Variants in PTPRM observed in about 807,000 individuals in gnomAD.
The protein encoded by PTPRM is receptor-type tyrosine-protein phosphatase mu.
In PTPRM, 47 loss-of-function variants were observed where a neutral mutation model predicts 186.7. The observed-to-expected ratio is 0.25, with a 90% CI of 0.20 to 0.32. The LOEUF (loss-of-function observed/expected upper bound fraction) is 0.32, where lower values mean the gene tolerates loss of function less well. PTPRM is among the 10% of genes least tolerant of loss of function. The pLI is 1.00. For missense variants in PTPRM, 1,494 were observed against 1,865.0 expected, an observed-to-expected ratio of 0.80 and a Z score of 3.66; for synonymous variants, 668 against 674.9, an observed-to-expected ratio of 0.99 and a Z score of 0.16.
At chr18:8,158,432 G>A (rs565725550) in intron 14 of PTPRM, among the ~76,000 whole-genome samples, 3 of 152,110 alleles carry the variant, frequency 2.0e-5, no homozygotes, top group Non-Finnish European at 4.4e-5. Context: ...GTTTAAACTT[G>A]TATCTTGGTT....
intron 7 of PTPRM, among the ~76,000 whole-genome samples, chr18:7,959,094 T>G (rs1169722252): frequency 6.6e-6 from 1 of 152,188 alleles, no homozygotes; most frequent in Non-Finnish European, 1.5e-5. Flanking sequence ...AATAATAATA[T>G]GTGTTTCATT....
At chr18:7,790,308 C>T (rs1480680193) in intron 2 of PTPRM, among the ~76,000 whole-genome samples, 1 of 152,206 alleles carries the variant, frequency 6.6e-6, no homozygotes, top group Non-Finnish European at 1.5e-5. Flanking sequence ...AAGAGAGAAT[C>T]CTCTGAGCTC....
intron 2 of PTPRM, among the ~76,000 whole-genome samples, chr18:7,870,406 T>G (rs2047924881): frequency 6.6e-6 from 1 of 152,224 alleles, no homozygotes; most frequent in Non-Finnish European, 1.5e-5. Flanking sequence ...AGTCTTTCTT[T>G]CCTGTGAATT....
chr18:7,582,533 G>A (rs1479296265), intron 1 of PTPRM, among the ~76,000 whole-genome samples: 2 of 152,238 alleles, frequency 1.3e-5, no homozygotes, highest in African/African-American at 4.8e-5. Flanking sequence ...TCCTTGGTAT[G>A]TGAGGCTGCA....
intron 7 of PTPRM, among the ~76,000 whole-genome samples, chr18:8,051,823 G>C (rs1053852065): frequency 4.6e-5 from 7 of 152,022 alleles, no homozygotes; most frequent in Non-Finnish European, 1.0e-4. Context: ...GGAGCCCAGT[G>C]GGAAGAATTT....
chr18:8,148,862 A>G (rs1427222530), intron 14 of PTPRM, among the ~76,000 whole-genome samples: 2 of 151,996 alleles, frequency 1.3e-5, no homozygotes, highest in African/African-American at 2.4e-5. Context: ...CTTCATTCTC[A>G]TTGGTTTCAA....
chr18:8,225,297 T>C (rs1415664199), intron 14 of PTPRM, among the ~76,000 whole-genome samples: 1 of 152,238 alleles, frequency 6.6e-6, no homozygotes, highest in Non-Finnish European at 1.5e-5. Flanking sequence ...TTTTAACATA[T>C]GTGATATGTT....
At chr18:7,905,094 A>T (rs1391734498) in intron 3 of PTPRM, among the ~76,000 whole-genome samples, 1 of 152,076 alleles carries the variant, frequency 6.6e-6, no homozygotes, top group Non-Finnish European at 1.5e-5. Flanking sequence ...CCCAGATTCA[A>T]GCGATTCTCC....
At chr18:8,012,499 C>A (rs2084593269) in intron 7 of PTPRM, among the ~76,000 whole-genome samples, 1 of 152,146 alleles carries the variant, frequency 6.6e-6, no homozygotes, top group African/African-American at 2.4e-5. Flanking sequence ...GCATGAACAC[C>A]ATAGAGTGCA....
chr18:8,088,086 G>A (rs1033151783), intron 10 of PTPRM, among the ~76,000 whole-genome samples: 13 of 152,230 alleles, frequency 8.5e-5, no homozygotes, highest in Admixed American at 4.6e-4. Flanking sequence ...GATAATAAAC[G>A]TAGAGGGTAG....
intron 20 of PTPRM, among the ~76,000 whole-genome samples, chr18:8,309,503 G>A (rs57418461): frequency 0.02 from 3,058 of 152,060 alleles, 112 homozygotes; most frequent in African/African-American, 0.071. Context: ...ATAAGACACA[G>A]CTCCTCTTAA....
chr18:7,738,839 G>C (rs1213261174), intron 1 of PTPRM, among the ~76,000 whole-genome samples: 2 of 152,178 alleles, frequency 1.3e-5, no homozygotes, highest in East Asian at 3.9e-4. Flanking sequence ...CCGGCTGCAG[G>C]TGTTGCAGTT....
intron 11 of PTPRM, among the ~76,000 whole-genome samples, chr18:8,089,559 A>G (rs895836985): frequency 6.6e-6 from 1 of 152,148 alleles, no homozygotes; most frequent in Non-Finnish European, 1.5e-5. Flanking sequence ...TGAAATTTCT[A>G]CTTGATTCAG....
chr18:8,007,472 A>G (rs1055555429), intron 7 of PTPRM, among the ~76,000 whole-genome samples: 23 of 152,184 alleles, frequency 1.5e-4, no homozygotes, highest in African/African-American at 3.9e-4. Context: ...TGATTAGGGA[A>G]CATTCTGGAA....
intron 4 of PTPRM, among the ~76,000 whole-genome samples, chr18:7,918,257 T>C (rs2050676900): frequency 6.6e-6 from 1 of 152,046 alleles, no homozygotes; most frequent in Non-Finnish European, 1.5e-5. Context: ...ATATACCAAG[T>C]AGTGGAATTG....
At chr18:8,305,913 T>C (rs2095216515) in intron 20 of PTPRM, among the ~76,000 whole-genome samples, 1 of 152,050 alleles carries the variant, frequency 6.6e-6, no homozygotes, top group Non-Finnish European at 1.5e-5. Flanking sequence ...TTTTTTTTTT[T>C]TTGGATGGAG....
At chr18:7,709,479 T>G (rs2040166766) in intron 1 of PTPRM, among the ~76,000 whole-genome samples, 1 of 152,036 alleles carries the variant, frequency 6.6e-6, no homozygotes, top group Admixed American at 6.6e-5. Context: ...ATAGATAACC[T>G]AATGTCACAC....
At chr18:7,608,509 CAGTG>C (rs767072107) in intron 1 of PTPRM, among the ~76,000 whole-genome samples, 1 of 152,088 alleles carries the variant, frequency 6.6e-6, no homozygotes, top group Non-Finnish European at 1.5e-5. Flanking sequence ...GAATTAATGT[CAGTG>C]AGCTTTTGAG....
intron 23 of PTPRM, among the ~76,000 whole-genome samples, chr18:8,350,055 A>T (rs1427315631): frequency 6.6e-6 from 1 of 152,198 alleles, no homozygotes; most frequent in East Asian, 1.9e-4. Context: ...AAATCCTCTA[A>T]GTTCCTATGG....
Sources: allele counts gnomAD v4.1 joint callset (sites outside exome capture counted in the v4.1 genomes callset), GRCh38; gene constraint gnomAD v4.1.1; transcripts MANE v1.5; gene names NCBI Gene and HGNC (gene_info 2026-07-23, HGNC 2026-07-21).